Variants in ZNF609 observed in about 807,000 individuals in gnomAD.
The protein encoded by ZNF609 is zinc finger protein 609.
In ZNF609, 11 loss-of-function variants were observed where a neutral mutation model predicts 109.5. The ratio of observed to expected loss-of-function variants is 0.10; its 90% CI spans 0.06 to 0.17. The LOEUF is 0.17. ZNF609 is among the 10% of genes least tolerant of loss of function. The pLI is 1.00. For synonymous variants in ZNF609, 646 were observed against 662.0 expected (o/e 0.98, Z 0.37); for missense variants, 1,559 against 1,772.4 (o/e 0.88, Z 2.16).
chr15:64,551,068 C>T (rs566962131), intron 2 of ZNF609, among the ~76,000 whole-genome samples: 1 of 152,116 alleles, frequency 6.6e-6, no homozygotes, highest in South Asian at 2.1e-4. Flanking sequence ...ATTTTAGCTT[C>T]TACATTTAGG....
At chr15:64,487,225 A>G (rs1412920080) in intron 1 of ZNF609, among the ~76,000 whole-genome samples, 1 of 152,124 alleles carries the variant, frequency 6.6e-6, no homozygotes, top group East Asian at 1.9e-4. Context: ...TTAGTTTCTT[A>G]CTGTCTCCCT....
Position 64,627,695 on chromosome 15 carries a change from T to G in ZNF609, c.973+4643T>G, listed in dbSNP as rs1895993080. 3.0e-5 allele frequency among the ~76,000 whole-genome samples: 3 copies of G among 99,364 alleles called. No homozygotes were observed. The South Asian group carries it at 9.2e-4, about 31-fold the overall frequency. 65.2% of individuals were successfully genotyped at this position (99,364 alleles called of 152,430 possible). A position where few individuals can be genotyped will look rare whatever the true frequency, so the allele number is the denominator to read the frequency against. Reference sequence around the variant, plus strand: ...TTTTTTTTTTTTTTTTGAGACAGGGTCAAGCTGTGTCACCCAGCCTGGAGT... The same window carrying G: ...TTTTTTTTTTTTTTTTGAGACAGGGGCAAGCTGTGTCACCCAGCCTGGAGT... On this transcript the variant is annotated intron_variant, in intron 3 of 9. Transcript: ENST00000326648.
At chr15:64,632,462 TTTG>T (rs1896098679) in intron 3 of ZNF609, among the ~76,000 whole-genome samples, 1 of 151,936 alleles carries the variant, frequency 6.6e-6, no homozygotes, top group Non-Finnish European at 1.5e-5. Flanking sequence ...TTTTTGTTTG[TTTG>T]TTGTTTTTAT....
intron 2 of ZNF609, among the ~76,000 whole-genome samples, chr15:64,560,293 G>A (rs533710290): frequency 2.6e-5 from 4 of 151,586 alleles, no homozygotes; most frequent in African/African-American, 9.7e-5. Flanking sequence ...TGATCTGCCC[G>A]CCTCGGCCTC....
At chr15:64,532,976 A>G (rs964401215) in intron 2 of ZNF609, among the ~76,000 whole-genome samples, 3 of 151,926 alleles carry the variant, frequency 2.0e-5, no homozygotes, top group Non-Finnish European at 2.9e-5. Context: ...AGCTTTCTCT[A>G]TTTGAGAAAC....
intron 1 of ZNF609, among the ~76,000 whole-genome samples, chr15:64,479,206 G>A (rs1893213695): frequency 6.6e-6 from 1 of 150,588 alleles, no homozygotes; most frequent in South Asian, 2.1e-4. Context: ...GTTATAACAA[G>A]GTCACATTTG....
chr15:64,460,591 CGCGGCGGCGGCG>C lies in ZNF609; in HGVS notation c.-370_-359del. Among the ~76,000 whole-genome samples, 1 of 151,698 alleles carries C rather than the reference CGCGGCGGCGGCG, an allele frequency of 6.6e-6. No homozygotes were observed. The highest frequency in any genetic ancestry group is 2.4e-5 in the African/African-American group (1 of 41,482). ...CCGGGTGACTCTGGTTGTCCCGGAT[CGCGGCGGCGGCG>C]GCGGTGGCGGCGGCTGAGGGACCCG... On this transcript the variant is annotated 5_prime_UTR_variant, in exon 1 of 10. Coordinates refer to ENST00000326648, the MANE Select transcript of ZNF609 (RefSeq NM_015042.2).
At chr15:64,544,080 C>G (rs1351710381) in intron 2 of ZNF609, among the ~76,000 whole-genome samples, 3 of 152,214 alleles carry the variant, frequency 2.0e-5, no homozygotes, top group African/African-American at 7.2e-5. Context: ...TAGCTTACAG[C>G]TATAATTCCA....
intron 1 of ZNF609, among the ~76,000 whole-genome samples, chr15:64,482,266 G>GT (rs941927299): frequency 2.0e-5 from 3 of 152,100 alleles, no homozygotes; most frequent in South Asian, 4.2e-4. Flanking sequence ...TTTTTTAAAA[G>GT]TTTTTTTCTG....
intron 1 of ZNF609, among the ~76,000 whole-genome samples, chr15:64,469,466 G>A (rs1201527900): frequency 7.2e-6 from 1 of 138,362 alleles, no homozygotes. Flanking sequence ...TATGGTGGAA[G>A]AACAGGACAA....
chr15:64,563,088 A>C (rs1894706291), intron 2 of ZNF609, among the ~76,000 whole-genome samples: 1 of 152,166 alleles, frequency 6.6e-6, no homozygotes, highest in South Asian at 2.1e-4. Context: ...GGCTGCAGTG[A>C]GCCATGATCA....
chr15:64,489,528 CTTTTTT>C (rs10577073), intron 1 of ZNF609, among the ~76,000 whole-genome samples: 3 of 113,668 alleles, frequency 2.6e-5, no homozygotes, highest in African/African-American at 3.4e-5. Flanking sequence ...CCATTATTCA[CTTTTTT>C]TTTTTTTTTT....
rs377480544 is a variant in ZNF609 at position 64,622,874 on chromosome 15, G to C, written c.795G>C (p.Leu265Phe). Residue 265 changes from leucine to phenylalanine, a missense_variant, in exon 3 of 10, where the codon TTG (leucine) becomes TTC (phenylalanine). Around this residue, in one of 4 missense-constraint regions of ZNF609, gnomAD observed 291 missense variants for 317.8 expected, o/e 0.92. Transcript: ENST00000326648. ...CAGCAGTGCTGCCAATACACCTTTTGGTGCCAGTGGTCAACAATGACATCT... is the reference window on the plus strand; with the variant it reads ...CAGCAGTGCTGCCAATACACCTTTTCGTGCCAGTGGTCAACAATGACATCT... ...STPAVLPIHL[L>F]VPVVNNDISS... is the part of the protein sequence containing the mutation. The C allele has an allele frequency of 2.0e-5, 33 of 1,614,122 alleles. No homozygotes were observed. Among genetic ancestry groups the C allele is most frequent in the Non-Finnish European group, 2.5e-6 (3 of 1,180,058 alleles).
intron 3 of ZNF609, chr15:64,653,958 GAC>G (rs1896453154): frequency 6.6e-6 from 1 of 152,142 alleles, no homozygotes; most frequent in African/African-American, 2.4e-5. Flanking sequence ...AGTTATAAAA[GAC>G]AATATGGTTA....
At chr15:64,631,462 C>G in intron 3 of ZNF609, 1 of 727,438 alleles carries the variant, frequency 1.4e-6, no homozygotes, top group South Asian at 1.3e-5. Flanking sequence ...TACCCATTCC[C>G]CTGATGTCTA....
intron 2 of ZNF609, 137 bp downstream of exon 2, chr15:64,500,303 G>A: frequency 8.4e-7 from 1 of 1,194,144 alleles, no homozygotes; most frequent in Non-Finnish European, 1.2e-6. Context: ...AGAGCAGCTG[G>A]TAATGATAAT....
chr15:64,506,015 C>CA (rs1354263179), intron 2 of ZNF609, among the ~76,000 whole-genome samples: 2 of 152,078 alleles, frequency 1.3e-5, no homozygotes, highest in Non-Finnish European at 2.9e-5. Flanking sequence ...AGTGTGAACT[C>CA]TGGAGCCAGA....
chr15:64,633,174 G>T (rs1896112693), intron 3 of ZNF609, among the ~76,000 whole-genome samples: 1 of 150,848 alleles, frequency 6.6e-6, no homozygotes. Context: ...TTGACACAGG[G>T]TCTCACTCTG....
intron 2 of ZNF609, among the ~76,000 whole-genome samples, chr15:64,510,946 TTATC>T (rs1458804465): frequency 2.6e-5 from 4 of 152,056 alleles, no homozygotes; most frequent in Non-Finnish European, 1.5e-5. Context: ...ATTTTTATAT[TTATC>T]TTTTATTGTT....
Sources: gnomAD v4.1 joint callset for allele counts (sites outside exome capture counted in the v4.1 genomes callset) on GRCh38, gnomAD v4.1.1 for gene constraint, gnomAD v4.1.1 regional missense constraint, MANE v1.5 for transcripts, NCBI Gene and HGNC (gene_info 2026-07-23, HGNC 2026-07-21) for gene names.